KCNK2: variants seen among roughly 807,000 people sequenced by gnomAD.
KCNK2 encodes potassium two pore domain channel subfamily K member 2.
KCNK2 carries 21 observed loss-of-function variants against 40.5 expected under a neutral mutation model. That is an observed-to-expected ratio of 0.52 (90% confidence interval 0.37 to 0.75). KCNK2 has a LOEUF of 0.75. KCNK2 is among the 30% of genes least tolerant of loss of function. The pLI, the probability that KCNK2 is intolerant of heterozygous loss-of-function variation, is 0.00. For synonymous variants in KCNK2, 191 were observed against 202.2 expected, an observed-to-expected ratio of 0.94 and a Z score of 0.47; for missense variants, 399 against 531.6, an observed-to-expected ratio of 0.75 and a Z score of 2.45.
intron 2 of KCNK2, among the ~76,000 whole-genome samples, chr1:215,108,662 AT>A (rs71167807): frequency 0.76 from 114,634 of 151,116 alleles, 43,770 homozygotes; most frequent in African/African-American, 0.78. Flanking sequence ...TGTTGAAGTC[AT>A]TTTTTTTTTG....
intron 6 of KCNK2, among the ~76,000 whole-genome samples, chr1:215,233,143 C>G (rs1310295148): frequency 6.6e-6 from 1 of 152,090 alleles, no homozygotes; most frequent in Non-Finnish European, 1.5e-5. Flanking sequence ...TAGATTTGCA[C>G]CTCTTTCCCA....
At chr1:215,142,516 A>G (rs1477976828) in intron 3 of KCNK2, among the ~76,000 whole-genome samples, 1 of 152,160 alleles carries the variant, frequency 6.6e-6, no homozygotes, top group African/African-American at 2.4e-5. Flanking sequence ...GAATGAGAGG[A>G]ACAATTTTAA....
At chr1:215,093,924 T>A (rs1367490667) in intron 2 of KCNK2, among the ~76,000 whole-genome samples, 3 of 117,376 alleles carry the variant, frequency 2.6e-5, no homozygotes, top group Non-Finnish European at 3.3e-5. Flanking sequence ...TATAAAAATA[T>A]ATATTATTAC....
intron 2 of KCNK2, among the ~76,000 whole-genome samples, chr1:215,090,715 G>A (rs1659657795): frequency 6.6e-6 from 1 of 152,106 alleles, no homozygotes; most frequent in South Asian, 2.1e-4. Flanking sequence ...TATCTTATAG[G>A]ACATTTGACT....
intron 6 of KCNK2, among the ~76,000 whole-genome samples, chr1:215,201,044 C>A (rs1665061883): frequency 6.6e-6 from 1 of 152,032 alleles, no homozygotes; most frequent in South Asian, 2.1e-4. Flanking sequence ...GACGAATTCA[C>A]CTAATGAAGA....
chr1:215,207,628 C>T lies in KCNK2; in HGVS notation c.963+12536C>T, dbSNP rs1296179281. The stretch of plus-strand genomic sequence containing the variant: ...GCAAATAAATAAACAAATACGCTCA[C>T]CAAAGTAGTCACTTTCATAATGAAG... On this transcript the variant is annotated intron_variant, in intron 6 of 6. Transcript: ENST00000444842. 2.6e-5 allele frequency among the ~76,000 whole-genome samples: 4 copies of T among 152,152 alleles called. No homozygotes were observed. In the East Asian group the frequency reaches 7.7e-4, roughly 29 times the overall value.
intron 2 of KCNK2, among the ~76,000 whole-genome samples, chr1:215,116,592 T>C (rs1044054341): frequency 1.3e-5 from 2 of 152,090 alleles, no homozygotes; most frequent in Admixed American, 6.6e-5. Context: ...ATTAGTCTGT[T>C]TAAAAATAGC....
At chr1:215,084,501 C>A (rs1343509406) in intron 1 of KCNK2, among the ~76,000 whole-genome samples, 1 of 152,100 alleles carries the variant, frequency 6.6e-6, no homozygotes, top group Non-Finnish European at 1.5e-5. Context: ...TAAATTATGA[C>A]TTTTGTTTTT....
chr1:215,007,025 A>ATGTGTGTGTG (rs1164769909), intron 1 of KCNK2, among the ~76,000 whole-genome samples: 9 of 32,054 alleles, frequency 2.8e-4, no homozygotes, highest in Non-Finnish European at 6.2e-4. Flanking sequence ...ATATATATAT[A>ATGTGTGTGTG]TATATATATA....
At chr1:215,203,410 G>A (rs1002533182) in intron 6 of KCNK2, among the ~76,000 whole-genome samples, 1 of 152,126 alleles carries the variant, frequency 6.6e-6, no homozygotes, top group Non-Finnish European at 1.5e-5. Flanking sequence ...CTGTGACGAT[G>A]TGGTGAGGAG....
chr1:215,229,176 G>A (rs892529147), intron 6 of KCNK2, among the ~76,000 whole-genome samples: 2 of 149,652 alleles, frequency 1.3e-5, no homozygotes, highest in Non-Finnish European at 3.0e-5. Flanking sequence ...AGATACCCCT[G>A]CTATAATCTT....
At chr1:215,068,388 A>G (rs903479611) in intron 1 of KCNK2, among the ~76,000 whole-genome samples, 14 of 152,184 alleles carry the variant, frequency 9.2e-5, no homozygotes, top group African/African-American at 3.4e-4. Flanking sequence ...CTATTACTTC[A>G]GGCGAAAGAA....
Position 215,026,202 on chromosome 1 carries a change from T to A in KCNK2, c.34+20247T>A, listed in dbSNP as rs142710554. Among the ~76,000 whole-genome samples, 73 of 152,152 alleles carry A rather than the reference T, an allele frequency of 4.8e-4. 1 individual carries two copies. The highest frequency in any genetic ancestry group is 1.0e-3 in the South Asian group (5 of 4,834). ...TCATTTTTCTTGTCAGGTGGTTGTT[T>A]GTTTCTTATCAATTTTTAAAGCTCT... is the stretch of plus-strand genomic sequence containing the variant. On this transcript the variant is annotated intron_variant, in intron 1 of 6. Coordinates refer to the KCNK2 transcript ENST00000391895.
At chr1:215,023,166 C>T (rs942617159) in intron 1 of KCNK2, among the ~76,000 whole-genome samples, 4 of 152,128 alleles carry the variant, frequency 2.6e-5, no homozygotes, top group Admixed American at 2.6e-4. Flanking sequence ...TCCAAAAAAT[C>T]CCTTCTTGCA....
intron 1 of KCNK2, among the ~76,000 whole-genome samples, chr1:215,016,185 A>G (rs965799193): frequency 6.6e-6 from 1 of 152,196 alleles, no homozygotes; most frequent in African/African-American, 2.4e-5. Context: ...GTTGAACACT[A>G]AAGAGAGGAT....
intron 2 of KCNK2, among the ~76,000 whole-genome samples, chr1:215,106,312 G>T (rs1182759722): frequency 6.6e-6 from 1 of 151,992 alleles, no homozygotes; most frequent in African/African-American, 2.4e-5. Context: ...TCTCATCGTA[G>T]TTTTGATTTT....
chr1:215,214,307 A>C (rs1232497960), intron 6 of KCNK2, among the ~76,000 whole-genome samples: 3 of 152,148 alleles, frequency 2.0e-5, no homozygotes, highest in Non-Finnish European at 2.9e-5. Context: ...ACACTTTTAA[A>C]CAACCAGATC....
intron 5 of KCNK2, among the ~76,000 whole-genome samples, chr1:215,185,495 C>G (rs143151892): frequency 7.9e-5 from 12 of 152,168 alleles, no homozygotes; most frequent in Non-Finnish European, 1.5e-4. Flanking sequence ...TTTAAAGGAT[C>G]TTGGAAAAGA....
intron 5 of KCNK2, among the ~76,000 whole-genome samples, chr1:215,189,159 A>G (rs1664565496): frequency 6.6e-6 from 1 of 152,192 alleles, no homozygotes; most frequent in African/African-American, 2.4e-5. Context: ...GCATGATTTA[A>G]TAAGTGGGAT....
Sources: allele counts gnomAD v4.1 joint callset (sites outside exome capture counted in the v4.1 genomes callset), GRCh38; gene constraint gnomAD v4.1.1; transcripts MANE v1.5; gene names NCBI Gene and HGNC (gene_info 2026-07-23, HGNC 2026-07-21).